SGCD: variants seen among roughly 807,000 people sequenced by gnomAD.
SGCD encodes the protein sarcoglycan delta, also known as delta-sarcoglycan.
SGCD carries 18 observed loss-of-function variants against 36.6 expected under a neutral mutation model. That is an observed-to-expected ratio of 0.49 (90% confidence interval 0.34 to 0.73). The LOEUF is 0.73. Ranked by LOEUF, SGCD falls within the 30% of genes least tolerant of loss-of-function variation. The pLI is 0.01. For synonymous variants in SGCD, 133 were observed against 130.6 expected (o/e 1.02, Z -0.12); for missense variants, 387 against 346.7 (o/e 1.12, Z -0.92).
In SGCD at chr5:156,757,824, T is replaced by G. The variant is rs552445028; in HGVS notation, c.699+120T>G. On this transcript the variant is annotated intron_variant, in intron 8 of 8. Coordinates refer to ENST00000337851, the MANE Select transcript of SGCD (RefSeq NM_000337.6). ...GTATCAACAAAAGGAGCCAAGCAGG[T>G]TTTATTTCTGAAACAATTAATTGAG... is the stretch of plus-strand genomic sequence containing the variant. 36 of 1,365,036 alleles carry G rather than the reference T, an allele frequency of 2.6e-5. No homozygotes were observed. The African/African-American group carries it at 4.8e-4, about 18-fold the overall frequency. The allele number at this position is 1,365,036 out of a possible 1,614,324, so 84.6% of individuals were successfully genotyped here.
At chr5:156,431,496 C>T (rs765640195) in intron 3 of SGCD, among the ~76,000 whole-genome samples, 13 of 152,044 alleles carry the variant, frequency 8.6e-5, no homozygotes, top group Non-Finnish European at 2.9e-5. Context: ...AGAGAGGCTG[C>T]CTGCCTATTA....
intron 3 of SGCD, among the ~76,000 whole-genome samples, chr5:156,426,917 C>T (rs1335418814): frequency 1.3e-5 from 2 of 152,130 alleles, no homozygotes; most frequent in African/African-American, 4.8e-5. Flanking sequence ...TATTTTTATA[C>T]CAGTACCATG....
chr5:155,870,783 C>T (rs1755615593), intron 1 of SGCD, among the ~76,000 whole-genome samples: 1 of 152,164 alleles, frequency 6.6e-6, no homozygotes, highest in African/African-American at 2.4e-5. Flanking sequence ...GTGAAAACAT[C>T]CTACTGAAAT....
chr5:156,694,939 A>C (rs1754248398), intron 7 of SGCD, among the ~76,000 whole-genome samples: 1 of 152,226 alleles, frequency 6.6e-6, no homozygotes. Flanking sequence ...GAAACTGTGA[A>C]TTATTATAGT....
At chr5:156,646,846 A>G (rs2113583214) in intron 6 of SGCD, among the ~76,000 whole-genome samples, 1 of 152,330 alleles carries the variant, frequency 6.6e-6, no homozygotes, top group Non-Finnish European at 1.5e-5. Context: ...AAAAGCTTAT[A>G]GCACAGTCAA....
chr5:155,972,775 C>A (rs949568312), intron 1 of SGCD, among the ~76,000 whole-genome samples: 1 of 152,096 alleles, frequency 6.6e-6, no homozygotes, highest in African/African-American at 2.4e-5. Context: ...AAAGACAAAA[C>A]AATTTTTATA....
chr5:155,840,244 T>C, the SGCD span, among the ~76,000 whole-genome samples: 1 of 134,854 alleles, frequency 7.4e-6, no homozygotes, highest in Non-Finnish European at 1.6e-5. Flanking sequence ...TTGTTTTGCC[T>C]TTTTTTTTTT....
At position 156,697,388 on chromosome 5, in the gene SGCD, T is replaced by C. The variant is rs112101001; in HGVS notation, c.575+49852T>C. On this transcript the variant is annotated intron_variant, in intron 7 of 8. Transcript: ENST00000337851. ...ACTTAGAGACATTCTGCTCCCCACA[T>C]GTGTACTTTTTTGTTCTTCTCACAT... is the stretch of plus-strand genomic sequence containing the variant. Among the ~76,000 whole-genome samples the C allele has an allele frequency of 3.7e-3, 564 of 152,250 alleles. 8 individuals carry two copies. The highest frequency in any genetic ancestry group is 0.012 in the African/African-American group (493 of 41,558).
chr5:156,217,286 A>G (rs1397405567), intron 3 of SGCD, among the ~76,000 whole-genome samples: 1 of 152,080 alleles, frequency 6.6e-6, no homozygotes, highest in Non-Finnish European at 1.5e-5. Flanking sequence ...AACTGTGAAA[A>G]TTTTTAAATT....
the SGCD span, among the ~76,000 whole-genome samples, chr5:155,775,865 A>G: frequency 1.3e-5 from 2 of 152,118 alleles, no homozygotes; most frequent in Non-Finnish European, 2.9e-5. Flanking sequence ...ATTCTGCTCC[A>G]AAGGAGAAGT....
intron 3 of SGCD, among the ~76,000 whole-genome samples, chr5:156,396,396 A>G (rs945037561): frequency 2.6e-5 from 4 of 152,230 alleles, no homozygotes; most frequent in African/African-American, 9.6e-5. Context: ...GCCTCTCATT[A>G]GCAGCAAAAT....
the SGCD span, among the ~76,000 whole-genome samples, chr5:155,775,905 G>C: frequency 6.6e-6 from 1 of 152,112 alleles, no homozygotes; most frequent in South Asian, 2.1e-4. Context: ...GACAATAGGG[G>C]ATTCAATCTG....
chr5:155,997,570 A>G (rs956488837), intron 1 of SGCD, among the ~76,000 whole-genome samples: 3 of 152,234 alleles, frequency 2.0e-5, no homozygotes, highest in Non-Finnish European at 2.9e-5. Flanking sequence ...TGGATGGGAC[A>G]TTGTTCCTCT....
At chr5:155,784,281 A>G in the SGCD span, among the ~76,000 whole-genome samples, 2 of 152,126 alleles carry the variant, frequency 1.3e-5, no homozygotes, top group Admixed American at 6.6e-5. Context: ...TTGGAAATAG[A>G]CAGGGCATGT....
intron 6 of SGCD, among the ~76,000 whole-genome samples, chr5:156,619,332 C>G (rs1343767002): frequency 6.6e-6 from 1 of 152,170 alleles, no homozygotes; most frequent in Non-Finnish European, 1.5e-5. Context: ...CCGAAGAGAG[C>G]CAATTCCAAC....
intron 1 of SGCD, among the ~76,000 whole-genome samples, chr5:156,026,159 G>A (rs1477863298): frequency 6.6e-6 from 1 of 152,170 alleles, no homozygotes; most frequent in Non-Finnish European, 1.5e-5. Context: ...AGTACTGTGG[G>A]TGGTAGGCAG....
chr5:156,260,498 T>C (rs1192168508), intron 3 of SGCD, among the ~76,000 whole-genome samples: 2 of 152,124 alleles, frequency 1.3e-5, no homozygotes, highest in African/African-American at 2.4e-5. Flanking sequence ...TTGTAAATGG[T>C]ATTGTAAGTT....
chr5:156,403,958 C>T (rs2017982), intron 3 of SGCD, among the ~76,000 whole-genome samples: 24,062 of 151,824 alleles, frequency 0.16, 2,211 homozygotes, highest in South Asian at 0.23. Flanking sequence ...CTCAGCTCCT[C>T]GAATAGCTGG....
intron 1 of SGCD, among the ~76,000 whole-genome samples, chr5:156,076,238 C>A (rs983900595): frequency 1.2e-4 from 19 of 152,074 alleles, no homozygotes; most frequent in African/African-American, 4.6e-4. Flanking sequence ...TTCCTTCTTC[C>A]ATGTGTCTTT....
Sources: allele counts gnomAD v4.1 joint callset (sites outside exome capture counted in the v4.1 genomes callset), GRCh38; gene constraint gnomAD v4.1.1; transcripts MANE v1.5; gene names NCBI Gene and HGNC (gene_info 2026-07-23, HGNC 2026-07-21).